The following KMT2C variants were observed in gnomAD, a reference collection of about 807,000 sequenced individuals.
KMT2C encodes the protein lysine methyltransferase 2C, also known as histone-lysine N-methyltransferase 2C.
KMT2C carries 88 observed loss-of-function variants against 507.9 expected under a neutral mutation model. The observed-to-expected ratio is 0.17, with a 90% CI of 0.15 to 0.21. The LOEUF is 0.21. Among genes scored for constraint, KMT2C ranks in the 10% least tolerant of loss-of-function variants. The probability of loss-of-function intolerance (pLI) is 1.00; values close to 1 mark genes in which losing one functional copy is unlikely to be tolerated. For synonymous variants in KMT2C, 2,049 were observed against 2,080.8 expected (o/e 0.98, Z 0.42); for missense variants, 4,954 against 5,957.8 (o/e 0.83, Z 5.55).
chr7:152,201,299 C>G (rs866926116), intron 26 of KMT2C, among the ~76,000 whole-genome samples: 55 of 137,616 alleles, frequency 4.0e-4, no homozygotes, highest in Admixed American at 1.2e-3. Context: ...CACAGACACA[C>G]ACACACACAC....
chr7:152,364,239 A>G (rs1182846100), intron 1 of KMT2C, among the ~76,000 whole-genome samples: 2 of 152,248 alleles, frequency 1.3e-5, no homozygotes, highest in African/African-American at 4.8e-5. Flanking sequence ...ATGTAAAGAA[A>G]ACATGAATAT....
At chr7:152,306,508 C>A (rs191322359) in intron 6 of KMT2C, among the ~76,000 whole-genome samples, 14 of 152,268 alleles carry the variant, frequency 9.2e-5, no homozygotes, top group African/African-American at 3.4e-4. Flanking sequence ...TTTATTCAAA[C>A]CTTCTCCTCT....
chr7:152,365,111 A>C (rs1244001309), intron 1 of KMT2C, among the ~76,000 whole-genome samples: 2 of 152,232 alleles, frequency 1.3e-5, no homozygotes, highest in Non-Finnish European at 2.9e-5. Flanking sequence ...GAAACTATGT[A>C]AGCCAGAAGA....
intron 16 of KMT2C, among the ~76,000 whole-genome samples, chr7:152,234,960 A>G (rs1432846747): frequency 6.6e-6 from 1 of 152,210 alleles, no homozygotes; most frequent in Non-Finnish European, 1.5e-5. Flanking sequence ...CTCAGCAAGA[A>G]AAGGGAGTAC....
intron 7 of KMT2C, among the ~76,000 whole-genome samples, chr7:152,269,121 T>C (rs555813092): frequency 6.6e-6 from 1 of 152,218 alleles, no homozygotes; most frequent in Non-Finnish European, 1.5e-5. Context: ...AGCACTGTTA[T>C]ACACAACAAA....
chr7:152,376,167 TATA>T (rs1249339349), intron 1 of KMT2C, among the ~76,000 whole-genome samples: 1 of 152,192 alleles, frequency 6.6e-6, no homozygotes, highest in Non-Finnish European at 1.5e-5. Context: ...ATGGCTAACA[TATA>T]ATGTGTGTTC....
intron 3 of KMT2C, among the ~76,000 whole-genome samples, chr7:152,315,762 C>T (rs1001835797): frequency 2.0e-5 from 3 of 152,014 alleles, no homozygotes; most frequent in African/African-American, 7.2e-5. Flanking sequence ...ACTAAAAATA[C>T]AAAAATTAGC....
chr7:152,289,416 A>G (rs553428023), intron 6 of KMT2C, among the ~76,000 whole-genome samples: 2,810 of 152,364 alleles, frequency 0.018, 87 homozygotes, highest in African/African-American at 0.064. Flanking sequence ...TCTATGTGAC[A>G]AAACGAGAAA....
chr7:152,227,019 T>C (rs954521938), intron 18 of KMT2C, among the ~76,000 whole-genome samples: 9 of 152,224 alleles, frequency 5.9e-5, no homozygotes, highest in African/African-American at 2.2e-4. Context: ...CACAGATACC[T>C]GTGGTCCCTT....
At chr7:152,314,543 T>C (rs954330096) in intron 4 of KMT2C, among the ~76,000 whole-genome samples, 1 of 118,032 alleles carries the variant, frequency 8.5e-6, no homozygotes. Flanking sequence ...AAAAATTCCT[T>C]AAAAAAGAAA....
Position 152,246,691 on chromosome 7 carries a change from CA to C in KMT2C, c.2532+1210del, listed in dbSNP as rs142123646. ...TATTATATAACTATTCAAAACAAAA[CA>C]AAAAAAAACTTACTAGAAAGGAGCA... On this transcript the variant is annotated intron_variant, in intron 14 of 58. Transcript: ENST00000262189. Among the ~76,000 whole-genome samples, 830 of 150,228 alleles carry C rather than the reference CA, an allele frequency of 5.5e-3. 4 individuals are homozygous for C. Among genetic ancestry groups the C allele is most frequent in the African/African-American group, 0.019 (780 of 41,022 alleles).
chr7:152,223,540 T>C (rs372873576), intron 20 of KMT2C, among the ~76,000 whole-genome samples: 1 of 152,092 alleles, frequency 6.6e-6, no homozygotes, highest in African/African-American at 2.4e-5. Context: ...ACACCTATAA[T>C]CATAAAACTT....
chr7:152,198,826 C>G (rs1022450069), intron 27 of KMT2C, among the ~76,000 whole-genome samples: 1 of 152,162 alleles, frequency 6.6e-6, no homozygotes, highest in African/African-American at 2.4e-5. Flanking sequence ...CTGGTGCAAA[C>G]TGTCAGCAGT....
chr7:152,393,898 C>CAA lies in KMT2C; in HGVS notation c.162-35225_162-35224dup, dbSNP rs745616896. On this transcript the variant is annotated intron_variant, in intron 1 of 58. Transcript: ENST00000262189. ...GGCAACAAGAAGCAAAACTCCATCT[C>CAA]AAAAAAAAAAAAAAAAAAAAAATCT... is the stretch of plus-strand genomic sequence containing the variant. 5.8e-3 allele frequency among the ~76,000 whole-genome samples: 380 copies of CAA among 65,070 alleles called. 1 individual carries two copies. The highest frequency in any genetic ancestry group is 0.014 in the East Asian group (33 of 2,410). The allele number at this position is 65,070 out of a possible 152,430, so 42.7% of individuals were successfully genotyped here.
intron 6 of KMT2C, among the ~76,000 whole-genome samples, chr7:152,290,661 G>A (rs2096412659): frequency 6.6e-6 from 1 of 151,980 alleles, no homozygotes; most frequent in African/African-American, 2.4e-5. Flanking sequence ...TGGGATTGCA[G>A]TCTTCAGATT....
chr7:152,265,851 A>G (rs2095850723), intron 7 of KMT2C, among the ~76,000 whole-genome samples: 1 of 152,234 alleles, frequency 6.6e-6, no homozygotes. Context: ...TTCTAGTTGT[A>G]AAAGCATTAA....
Position 152,163,125 on chromosome 7 carries a change from C to A in KMT2C, c.10452G>T (p.Gln3484His), listed in dbSNP as rs1452806287. 6.2e-7 allele frequency: 1 copy of A among 1,614,228 alleles called. No individual in the cohort carries two copies. The highest frequency in any genetic ancestry group is 8.5e-7 in the Non-Finnish European group (1 of 1,180,040). The change falls in exon 43 of 59, where the codon CAG (glutamine) becomes CAT (histidine). Residue 3484 changes from glutamine (Q) to histidine (H), a missense_variant. Coordinates refer to ENST00000262189, the MANE Select transcript of KMT2C (RefSeq NM_170606.3). ...QHQQQMGQVL[Q>H]QQNIQQGSIN... ...TTGATCCTTGTTGTATATTCTGCTG[C>A]TGTAAAACCTGCCCCATTTGCTGTT...
At chr7:152,159,849 A>G (rs1192221184) in intron 43 of KMT2C, among the ~76,000 whole-genome samples, 1 of 152,234 alleles carries the variant, frequency 6.6e-6, no homozygotes, top group Non-Finnish European at 1.5e-5. Flanking sequence ...CGATTATAGT[A>G]GCTGAACTTA....
intron 23 of KMT2C, among the ~76,000 whole-genome samples, chr7:152,211,590 T>G (rs1172389965): frequency 6.6e-6 from 1 of 152,206 alleles, no homozygotes; most frequent in Non-Finnish European, 1.5e-5. Flanking sequence ...AGAGCACTTT[T>G]ATTGATGAGG....
Sources: gnomAD v4.1 joint callset for allele counts (sites outside exome capture counted in the v4.1 genomes callset) on GRCh38, gnomAD v4.1.1 for gene constraint, MANE v1.5 for transcripts, NCBI Gene and HGNC (gene_info 2026-07-23, HGNC 2026-07-21) for gene names.